TEKT3: variants seen among roughly 807,000 people sequenced by gnomAD.
The protein encoded by TEKT3 is tektin 3.
Under a neutral mutation model 49.8 loss-of-function variants are expected in TEKT3, and 49 were observed. That is an observed-to-expected ratio of 0.98 (90% CI 0.78 to 1.25). The LOEUF is 1.25. Ranked by LOEUF, TEKT3 falls within the 50% of genes most tolerant of loss-of-function variation. The pLI is 0.00. For synonymous variants in TEKT3, 225 were observed against 237.2 expected (o/e 0.95, Z 0.47); for missense variants, 595 against 629.5 (o/e 0.95, Z 0.59).
chr17:15,332,407 T>C (rs920417832), intron 2 of TEKT3, among the ~76,000 whole-genome samples: 6 of 152,192 alleles, frequency 3.9e-5, no homozygotes, highest in Admixed American at 1.3e-4. Flanking sequence ...ACTTAACCTC[T>C]CTGTGCCTCG....
intron 2 of TEKT3, among the ~76,000 whole-genome samples, chr17:15,337,302 A>G (rs1413039503): frequency 6.6e-6 from 1 of 152,118 alleles, no homozygotes; most frequent in East Asian, 1.9e-4. Flanking sequence ...ACTAAAAAAC[A>G]AGAGTTTTGA....
intron 4 of TEKT3, among the ~76,000 whole-genome samples, chr17:15,323,137 T>G (rs1398950738): frequency 1.3e-5 from 2 of 152,196 alleles, no homozygotes; most frequent in African/African-American, 4.8e-5. Flanking sequence ...AATCCTGTCC[T>G]TAGAGGAGAA....
intron 4 of TEKT3, among the ~76,000 whole-genome samples, chr17:15,324,588 A>G (rs1911407418): frequency 6.6e-6 from 1 of 152,074 alleles, no homozygotes; most frequent in South Asian, 2.1e-4. Flanking sequence ...CATTCCAGCC[A>G]ACTTGTTATT....
Position 15,314,230 on chromosome 17 carries a change from T to C in TEKT3, c.735A>G (p.Ala245=), listed in dbSNP as rs1567575252. The C allele has an allele frequency of 1.2e-6, 2 of 1,614,206 alleles. No homozygotes were observed. Among genetic ancestry groups the C allele is most frequent in the Non-Finnish European group, 1.7e-6 (2 of 1,180,040 alleles). ...LHLDKAIAQL[A]ANRASQHELE... ...GCTCATGCTGGGACGCTCTGTTGGC[T>C]CTGCAATACAGAGTCGGGAAGTGGA... The change falls in exon 6 of 9, where the codon GCA becomes GCG. Residue 245 remains alanine (A), a splice_region_variant and synonymous_variant. Coordinates refer to ENST00000395930, the MANE Select transcript of TEKT3 (RefSeq NM_031898.3).
At chr17:15,307,746 C>T (rs568672163) in intron 8 of TEKT3, among the ~76,000 whole-genome samples, 11 of 152,258 alleles carry the variant, frequency 7.2e-5, no homozygotes, top group South Asian at 2.1e-4. Flanking sequence ...TTCTGGAGTT[C>T]ACGCACTGCC....
At chr17:15,319,379 A>G (rs1911156547) in intron 4 of TEKT3, among the ~76,000 whole-genome samples, 1 of 152,200 alleles carries the variant, frequency 6.6e-6, no homozygotes. Context: ...AAATTATATT[A>G]TGGAACAAGT....
At chr17:15,338,796 G>A (rs1331083737) in intron 2 of TEKT3, among the ~76,000 whole-genome samples, 2 of 151,100 alleles carry the variant, frequency 1.3e-5, no homozygotes, top group Non-Finnish European at 2.9e-5. Context: ...GATTACAGGC[G>A]TGAGCCACCG....
chr17:15,326,882 G>A (rs1259405613), intron 4 of TEKT3, among the ~76,000 whole-genome samples: 4 of 152,154 alleles, frequency 2.6e-5, no homozygotes, highest in East Asian at 1.9e-4. Flanking sequence ...GATTTAATTG[G>A]TGGAAGGTGG....
At chr17:15,318,344 C>T (rs1037297556) in intron 5 of TEKT3, among the ~76,000 whole-genome samples, 1 of 152,144 alleles carries the variant, frequency 6.6e-6, no homozygotes, top group East Asian at 1.9e-4. Context: ...AAGTAAACGA[C>T]CACTCATTAC....
chr17:15,320,011 G>C (rs868102144), intron 4 of TEKT3, among the ~76,000 whole-genome samples: 24 of 152,024 alleles, frequency 1.6e-4, no homozygotes, highest in Middle Eastern at 3.2e-3. Flanking sequence ...TCAATATTTA[G>C]ACACCACCGA....
chr17:15,319,041 T>G, intron 5 of TEKT3, 36 bp downstream of exon 5: 1 of 1,527,058 alleles, frequency 6.5e-7, no homozygotes, highest in Non-Finnish European at 8.9e-7. Flanking sequence ...AGTTCAATGA[T>G]AGATTTTGAA....
In TEKT3 at chr17:15,311,753, A is replaced by G. The variant is rs576272421; in HGVS notation, c.1101+506T>C. ...AAGAGCTCCTTGTTTATCTTGAAAC[A>G]TATGAATTCTGCTGGACTCCTTCAT... On this transcript the variant is annotated intron_variant, in intron 7 of 8. Transcript: ENST00000395930. Among the ~76,000 whole-genome samples, 23 of 152,364 alleles carry G rather than the reference A, an allele frequency of 1.5e-4. No individual in the cohort carries two copies. The South Asian group carries it at 4.6e-3, about 30-fold the overall frequency.
intron 5 of TEKT3, among the ~76,000 whole-genome samples, chr17:15,317,977 C>CTTT (rs371718658): frequency 3.6e-5 from 5 of 137,530 alleles, no homozygotes; most frequent in Non-Finnish European, 7.7e-5. Flanking sequence ...GGTCGGATCT[C>CTTT]TTTTTTTTTT....
chr17:15,310,715 C>T lies in TEKT3; in HGVS notation c.1101+1544G>A, dbSNP rs75266519. Among the ~76,000 whole-genome samples the T allele has an allele frequency of 5.8e-3, 887 of 152,128 alleles. 6 individuals are homozygous for T. Among genetic ancestry groups the T allele is most frequent in the Middle Eastern group, 0.014 (4 of 294 alleles). Reference sequence around the variant, plus strand: ...CTGTGGTACTTTGAGTTAGGGCAGCCCTGGCAAACTAACATATCAGTAAAT... The same window carrying T: ...CTGTGGTACTTTGAGTTAGGGCAGCTCTGGCAAACTAACATATCAGTAAAT... On this transcript the variant is annotated intron_variant, in intron 7 of 8. Transcript: ENST00000395930.
At chr17:15,315,031 A>G (rs936168095) in intron 5 of TEKT3, among the ~76,000 whole-genome samples, 4 of 152,186 alleles carry the variant, frequency 2.6e-5, no homozygotes, top group African/African-American at 9.7e-5. Context: ...CATTCGACAA[A>G]TAATTATTGA....
chr17:15,337,240 G>T (rs546646122), intron 2 of TEKT3, among the ~76,000 whole-genome samples: 1 of 152,004 alleles, frequency 6.6e-6, no homozygotes, highest in Admixed American at 6.5e-5. Context: ...GAATGTAAAG[G>T]TGTCCTGAGA....
chr17:15,317,994 T>A (rs1911082876), intron 5 of TEKT3, among the ~76,000 whole-genome samples: 1 of 144,800 alleles, frequency 6.9e-6, no homozygotes, highest in African/African-American at 2.5e-5. Context: ...TTTTTTTCTT[T>A]TTTTTTTTTT....
chr17:15,323,435 CCAAAG>C (rs1388093893), intron 4 of TEKT3, among the ~76,000 whole-genome samples: 22 of 145,518 alleles, frequency 1.5e-4, no homozygotes, highest in Admixed American at 1.4e-3. Flanking sequence ...TCATTTGGCT[CCAAAG>C]TCCAAGGAGT....
At chr17:15,312,107 C>T (rs1232436380) in intron 7 of TEKT3, 152 bp downstream of exon 7, 1 of 644,012 alleles carries the variant, frequency 1.6e-6, no homozygotes, top group Non-Finnish European at 2.6e-6. Flanking sequence ...AAATAAATGG[C>T]ATGCTTTGTG....
Sources: allele counts gnomAD v4.1 joint callset (sites outside exome capture counted in the v4.1 genomes callset), GRCh38; gene constraint gnomAD v4.1.1; transcripts MANE v1.5; gene names NCBI Gene and HGNC (gene_info 2026-07-23, HGNC 2026-07-21).